EHMT1: variants seen among roughly 807,000 people sequenced by gnomAD.
EHMT1 encodes euchromatic histone lysine methyltransferase 1.
Under a neutral mutation model 147.2 loss-of-function variants are expected in EHMT1, and 15 were observed. The ratio of observed to expected loss-of-function variants is 0.10; its 90% CI spans 0.07 to 0.16. The LOEUF (loss-of-function observed/expected upper bound fraction) is 0.16, where lower values mean the gene tolerates loss of function less well. EHMT1 is among the 10% of genes least tolerant of loss of function. The pLI is 1.00. For missense variants in EHMT1, 1,587 were observed against 1,772.4 expected (o/e 0.90, Z 1.88); for synonymous variants, 795 against 709.6 (o/e 1.12, Z -1.91).
intron 1 of EHMT1, among the ~76,000 whole-genome samples, chr9:137,669,526 C>T (rs1291596755): frequency 2.0e-5 from 3 of 146,678 alleles, no homozygotes. Flanking sequence ...AGCACGTGCA[C>T]TCGACTCCTC....
intron 1 of EHMT1, chr9:137,637,563 T>G (rs1229529985): frequency 6.6e-6 from 1 of 152,012 alleles, no homozygotes; most frequent in Non-Finnish European, 1.5e-5. Flanking sequence ...CTCACTTCAG[T>G]CTTGAACTCC....
At chr9:137,716,601 G>C (rs1396156763) in intron 2 of EHMT1, 25 bp from the exon 3 acceptor site, 1 of 1,541,232 alleles carries the variant, frequency 6.5e-7, no homozygotes, top group African/African-American at 1.4e-5. Flanking sequence ...CCTGCAGTCA[G>C]TGACACTCGT....
chr9:137,739,580 T>C (rs543738063), intron 4 of EHMT1, among the ~76,000 whole-genome samples: 12 of 151,782 alleles, frequency 7.9e-5, no homozygotes, highest in Non-Finnish European at 4.4e-5. Context: ...TTTTCCACAC[T>C]TGGGTAGAAG....
At position 137,742,182 on chromosome 9, in the gene EHMT1, C is replaced by A. The variant is rs557799841; in HGVS notation, c.824-1189C>A. Among the ~76,000 whole-genome samples the A allele has an allele frequency of 3.3e-5, 5 of 152,306 alleles. No homozygotes were observed. In the South Asian group the frequency reaches 1.0e-3, roughly 32 times the overall value. ...CTTACTCCAGAGCGGATTGCCCAGG[C>A]CCCGCGGCGTCTGTGGGTGGTGCTG... On this transcript the variant is annotated intron_variant, in intron 4 of 26. Transcript: ENST00000460843.
At chr9:137,684,875 T>A (rs529873926) in intron 1 of EHMT1, among the ~76,000 whole-genome samples, 1 of 152,328 alleles carries the variant, frequency 6.6e-6, no homozygotes, top group South Asian at 2.1e-4. Flanking sequence ...ATATGTGGTA[T>A]TTTGCTATGT....
At chr9:137,672,653 A>G (rs1456737714) in intron 1 of EHMT1, among the ~76,000 whole-genome samples, 3 of 152,272 alleles carry the variant, frequency 2.0e-5, no homozygotes, top group Admixed American at 6.5e-5. Flanking sequence ...CCAACCAACC[A>G]ACCAGTTTCT....
At chr9:137,681,588 G>T (rs1474398180) in intron 1 of EHMT1, among the ~76,000 whole-genome samples, 1 of 152,032 alleles carries the variant, frequency 6.6e-6, no homozygotes, top group Non-Finnish European at 1.5e-5. Context: ...GCTTGTCCAG[G>T]TGACATCTGT....
chr9:137,672,001 G>C (rs1564567155), intron 1 of EHMT1, among the ~76,000 whole-genome samples: 1 of 152,192 alleles, frequency 6.6e-6, no homozygotes, highest in Non-Finnish European at 1.5e-5. Flanking sequence ...TTCCTGTCCA[G>C]CAGACATGAC....
chr9:137,800,448 A>G (rs912779194), intron 17 of EHMT1: 9 of 226,064 alleles, frequency 4.0e-5, no homozygotes, highest in African/African-American at 1.8e-4. Context: ...CTGAAGGAGG[A>G]GCAGAACCTG....
chr9:137,747,039 T>G (rs1245312756), intron 6 of EHMT1: 1 of 152,062 alleles, frequency 6.6e-6, no homozygotes, highest in East Asian at 1.9e-4. Context: ...CAATCAACAG[T>G]GATAGTTTCG....
chr9:137,724,941 G>GTGGGGCAGGCGTGTGGCATTCC lies in EHMT1; in HGVS notation c.643-3387_643-3386insCTGGGGCAGGCGTGTGGCATTC, dbSNP rs1588390686. On this transcript the variant is annotated intron_variant, in intron 3 of 26. Coordinates refer to ENST00000460843, the MANE Select transcript of EHMT1 (RefSeq NM_024757.5). ...TTCGTGTGGCAGGCTTGTGGCATTCGTGGGGCAGGCGTGTGGCATTCATGG... is the reference window on the plus strand; with the variant it reads ...TTCGTGTGGCAGGCTTGTGGCATTCGTGGGGCAGGCGTGTGGCATTCCTGGGGCAGGCGTGTGGCATTCATGG... Among the ~76,000 whole-genome samples, 6 of 120,654 alleles carry GTGGGGCAGGCGTGTGGCATTCC rather than the reference G, an allele frequency of 5.0e-5. No individual in the cohort carries two copies. In the East Asian group the frequency reaches 1.2e-3, roughly 24 times the overall value. 79.2% of individuals were successfully genotyped at this position (120,654 alleles called of 152,430 possible).
At chr9:137,810,893 G>A (rs913757205) in intron 18 of EHMT1, among the ~76,000 whole-genome samples, 4 of 152,012 alleles carry the variant, frequency 2.6e-5, no homozygotes, top group Non-Finnish European at 4.4e-5. Flanking sequence ...TAGAAACGGG[G>A]TTTCACCATG....
At chr9:137,634,460 G>C (rs1255003404) in intron 1 of EHMT1, among the ~76,000 whole-genome samples, 1 of 152,094 alleles carries the variant, frequency 6.6e-6, no homozygotes, top group Non-Finnish European at 1.5e-5. Context: ...AAATGTGATG[G>C]TTAATTTCTG....
chr9:137,781,508 T>A (rs911782917), intron 14 of EHMT1, among the ~76,000 whole-genome samples: 1 of 152,190 alleles, frequency 6.6e-6, no homozygotes, highest in African/African-American at 2.4e-5. Flanking sequence ...CGGCAGTCGA[T>A]GTTTCACCTG....
chr9:137,636,825 T>A (rs1844107048), intron 1 of EHMT1, among the ~76,000 whole-genome samples: 1 of 151,930 alleles, frequency 6.6e-6, no homozygotes, highest in Non-Finnish European at 1.5e-5. Context: ...TGTTCATAAG[T>A]GGTATTATGT....
At chr9:137,752,453 G>A in intron 7 of EHMT1, 45 bp downstream of exon 7, 2 of 1,598,042 alleles carry the variant, frequency 1.3e-6, no homozygotes, top group Non-Finnish European at 8.5e-7. Flanking sequence ...ATGTAGAGGA[G>A]ATGCAAAGAC....
At chr9:137,619,300 G>A (rs1257394554) in intron 1 of EHMT1, among the ~76,000 whole-genome samples, 3 of 148,744 alleles carry the variant, frequency 2.0e-5, no homozygotes, top group African/African-American at 7.3e-5. Flanking sequence ...CTGGGGGAGC[G>A]GGCGGGGGCG....
chr9:137,731,593 A>G lies in EHMT1; in HGVS notation c.823+3064A>G, dbSNP rs1947115705. Among the ~76,000 whole-genome samples, 1 of 152,172 alleles carries G rather than the reference A, an allele frequency of 6.6e-6. No individual in the cohort carries two copies. The highest frequency in any genetic ancestry group is 2.1e-4 in the South Asian group (1 of 4,828). On this transcript the variant is annotated intron_variant, in intron 4 of 26. Transcript: ENST00000460843. This position sits in a 1 kb window ranked among gnomAD's most constrained non-coding sequence, Gnocchi z 4.3. ...CAGAGCAGGAATCGGGGTACGTCCT[A>G]TCCTGTTGTCACAGGATCCCTTGAG...
At chr9:137,801,650 G>A (rs112780689) in intron 18 of EHMT1, among the ~76,000 whole-genome samples, 1 of 151,962 alleles carries the variant, frequency 6.6e-6, no homozygotes, top group African/African-American at 2.4e-5. Context: ...AGGCGCCCAC[G>A]ACCACACCTG....
Sources: gnomAD v4.1 joint callset for allele counts (sites outside exome capture counted in the v4.1 genomes callset) on GRCh38, gnomAD v4.1.1 for gene constraint, Gnocchi (gnomAD v3.1) non-coding constraint, MANE v1.5 for transcripts, NCBI Gene and HGNC (gene_info 2026-07-23, HGNC 2026-07-21) for gene names.